Variants in LMAN1 observed in about 807,000 individuals in gnomAD.
The protein encoded by LMAN1 is lectin, mannose binding 1.
In LMAN1, 32 loss-of-function variants were observed where a neutral mutation model predicts 67.8. That is an observed-to-expected ratio of 0.47 (90% CI 0.36 to 0.63). The LOEUF (loss-of-function observed/expected upper bound fraction) is 0.63, where lower values mean the gene tolerates loss of function less well. LMAN1 is among the 30% of genes least tolerant of loss of function. The pLI is 0.00. For missense variants in LMAN1, 632 were observed against 628.2 expected (o/e 1.01, Z -0.06); for synonymous variants, 235 against 219.3 (o/e 1.07, Z -0.63).
rs765287063 is a variant in LMAN1 at position 59,346,052 on chromosome 18, C to CT, written c.823-2dup. 2.6e-5 allele frequency: 42 copies of CT among 1,603,338 alleles called. No individual in the cohort carries two copies. The highest frequency in any genetic ancestry group is 1.7e-4 in the Middle Eastern group (1 of 6,006). On this transcript the variant is annotated splice_acceptor_variant, in intron 7 of 12. Coordinates refer to ENST00000251047, the MANE Select transcript of LMAN1 (RefSeq NM_005570.4). LOFTEE classifies it high-confidence loss of function. The stretch of plus-strand genomic sequence containing the variant: ...CCGAAATTTCTTTATCTGGTGTGGG[C>CT]TTTTTTTTGGAGTTTTGGAATAGAT...
intron 7 of LMAN1, among the ~76,000 whole-genome samples, chr18:59,346,726 G>T (rs1280571227): frequency 1.4e-5 from 2 of 145,582 alleles, no homozygotes; most frequent in Non-Finnish European, 3.0e-5. Context: ...TGCCATGTTG[G>T]TCAGGCTGGT....
At chr18:59,332,260 AC>A (rs1212675484) in intron 11 of LMAN1, among the ~76,000 whole-genome samples, 1 of 152,134 alleles carries the variant, frequency 6.6e-6, no homozygotes, top group Non-Finnish European at 1.5e-5. Flanking sequence ...GAGAAAAATA[AC>A]CTCAAACAGA....
chr18:59,345,819 A>G (rs1908387658), intron 8 of LMAN1, 100 bp downstream of exon 8: 2 of 1,342,578 alleles, frequency 1.5e-6, no homozygotes, highest in Admixed American at 3.6e-5. Flanking sequence ...GTGCCTGTTC[A>G]GAGAGCAGGG....
At chr18:59,346,113 A>G (rs896054089) in intron 7 of LMAN1, 62 bp from the exon 8 acceptor site, 3 of 1,365,742 alleles carry the variant, frequency 2.2e-6, no homozygotes, top group African/African-American at 2.9e-5. Flanking sequence ...AGATATCTCT[A>G]TACATGTTAT....
At chr18:59,358,534 C>A (rs1908713415) in intron 1 of LMAN1, among the ~76,000 whole-genome samples, 1 of 149,154 alleles carries the variant, frequency 6.7e-6, no homozygotes, top group African/African-American at 2.5e-5. Context: ...GGGGTTCAAG[C>A]GAAGCATTAA....
At chr18:59,337,607 G>A (rs1305163365) in intron 10 of LMAN1, among the ~76,000 whole-genome samples, 1 of 152,112 alleles carries the variant, frequency 6.6e-6, no homozygotes, top group African/African-American at 2.4e-5. Context: ...TAAAAAGGTT[G>A]CGTTACATGA....
chr18:59,354,321 A>C (rs1449197235), intron 4 of LMAN1, among the ~76,000 whole-genome samples, 198 bp downstream of exon 4: 1 of 152,232 alleles, frequency 6.6e-6, no homozygotes, highest in Non-Finnish European at 1.5e-5. Flanking sequence ...ACCATGGTTG[A>C]ATCTGAGATG....
chr18:59,355,947 T>C (rs1164072538), intron 1 of LMAN1, among the ~76,000 whole-genome samples: 3 of 152,192 alleles, frequency 2.0e-5, no homozygotes, highest in Non-Finnish European at 4.4e-5. Context: ...AACATTCTTT[T>C]TAAAAACCTT....
intron 12 of LMAN1, 59 bp downstream of exon 12, chr18:59,331,359 A>AT: frequency 6.7e-7 from 1 of 1,498,934 alleles, no homozygotes; most frequent in Non-Finnish European, 9.3e-7. Context: ...ACTTAGTTGA[A>AT]TATTTCTAAT....
At chr18:59,351,113 A>C (rs901931049) in intron 5 of LMAN1, among the ~76,000 whole-genome samples, 1 of 152,216 alleles carries the variant, frequency 6.6e-6, no homozygotes, top group Non-Finnish European at 1.5e-5. Context: ...TCATGAAAAT[A>C]AATACTTCTT....
chr18:59,338,080 T>C (rs1568113436), intron 10 of LMAN1, among the ~76,000 whole-genome samples: 1 of 152,210 alleles, frequency 6.6e-6, no homozygotes, highest in Non-Finnish European at 1.5e-5. Context: ...CCAGTCTCTC[T>C]GAGAGTAAAA....
At chr18:59,339,742 T>A (rs1299879900) in intron 8 of LMAN1, among the ~76,000 whole-genome samples, 1 of 152,072 alleles carries the variant, frequency 6.6e-6, no homozygotes, top group Non-Finnish European at 1.5e-5. Flanking sequence ...CATGCACCCC[T>A]AGGAAGGTCC....
chr18:59,338,847 C>A lies in LMAN1; in HGVS notation c.1062G>T (p.Met354Ile). Residue 354 changes from methionine to isoleucine, a missense_variant, in exon 9 of 13, where the codon ATG becomes ATT. Physicochemically the swap from Met to Ile is conservative, Grantham distance 10. Coordinates refer to ENST00000251047, the MANE Select transcript of LMAN1 (RefSeq NM_005570.4). ...EIKQLNRQLDMILDEQRRYVS... is the reference protein window; with the variant it reads ...EIKQLNRQLDIILDEQRRYVS... Reference sequence around the variant, plus strand: ...CATATCTTCTCTGTTCATCAAGAATCATATCTAACTGCCGGTTCAGCTGCT... The same window carrying A: ...CATATCTTCTCTGTTCATCAAGAATAATATCTAACTGCCGGTTCAGCTGCT... The A allele has an allele frequency of 6.2e-7, 1 of 1,613,942 alleles. No individual in the cohort carries two copies. The highest frequency in any genetic ancestry group is 8.5e-7 in the Non-Finnish European group (1 of 1,179,940).
chr18:59,331,382 G>A lies in LMAN1; in HGVS notation c.1496+36C>T, dbSNP rs2070746400. On this transcript the variant is annotated intron_variant, in intron 12 of 12. Coordinates refer to ENST00000251047, the MANE Select transcript of LMAN1 (RefSeq NM_005570.4). The stretch of plus-strand genomic sequence containing the variant: ...GAATATTTCTAATTAAACAGATGCA[G>A]AAAAATATTGGGTCACATTTTATCA... 1.9e-6 allele frequency: 3 copies of A among 1,578,194 alleles called. 1 individual carries two copies. The highest frequency in any genetic ancestry group is 2.6e-6 in the Non-Finnish European group (3 of 1,148,514).
chr18:59,355,183 A>T, intron 3 of LMAN1, 130 bp downstream of exon 3: 2 of 743,972 alleles, frequency 2.7e-6, no homozygotes, highest in Non-Finnish European at 2.4e-6. Context: ...TAATTATCAC[A>T]TTTACCATAT....
chr18:59,355,757 C>A, intron 1 of LMAN1, 99 bp from the exon 2 acceptor site: 5 of 1,330,932 alleles, frequency 3.8e-6, no homozygotes, highest in Non-Finnish European at 5.3e-6. Context: ...GACTTAGTAA[C>A]CTGTACAATA....
At chr18:59,335,937 G>A (rs1908136762) in intron 10 of LMAN1, among the ~76,000 whole-genome samples, 1 of 152,168 alleles carries the variant, frequency 6.6e-6, no homozygotes, top group Non-Finnish European at 1.5e-5. Flanking sequence ...AAACCAATAA[G>A]TAAATATGTT....
At chr18:59,357,850 A>G (rs1255481224) in intron 1 of LMAN1, among the ~76,000 whole-genome samples, 1 of 151,930 alleles carries the variant, frequency 6.6e-6, no homozygotes, top group African/African-American at 2.4e-5. Flanking sequence ...GGATAGCATT[A>G]GGAGATATAC....
At chr18:59,353,735 A>C (rs1908597007) in intron 4 of LMAN1, among the ~76,000 whole-genome samples, 1 of 152,218 alleles carries the variant, frequency 6.6e-6, no homozygotes, top group Admixed American at 6.5e-5. Flanking sequence ...TACATACCTA[A>C]TTTATATACA....
Sources: gnomAD v4.1 joint callset for allele counts (sites outside exome capture counted in the v4.1 genomes callset) on GRCh38, gnomAD v4.1.1 for gene constraint, MANE v1.5 for transcripts, NCBI Gene and HGNC (gene_info 2026-07-23, HGNC 2026-07-21) for gene names.